The following FSD2 variants were observed in gnomAD, a reference collection of about 807,000 sequenced individuals.
The protein encoded by FSD2 is fibronectin type III and SPRY domain-containing protein 2.
Under a neutral mutation model 80.4 loss-of-function variants are expected in FSD2, and 71 were observed. The ratio of observed to expected loss-of-function variants is 0.88; its 90% CI spans 0.73 to 1.08. FSD2 has a LOEUF of 1.08. FSD2 is among the 50% of genes least tolerant of loss of function. The pLI is 0.00. For missense variants in FSD2, 923 were observed against 913.8 expected (o/e 1.01, Z -0.13); for synonymous variants, 361 against 329.5 (o/e 1.10, Z -1.03).
At chr15:82,767,068 C>A (rs1473831953) in intron 9 of FSD2, among the ~76,000 whole-genome samples, 5 of 152,148 alleles carry the variant, frequency 3.3e-5, no homozygotes, top group African/African-American at 2.4e-5. Flanking sequence ...CTTATGCATT[C>A]AATAAATGTT....
intron 6 of FSD2, among the ~76,000 whole-genome samples, chr15:82,776,977 T>C (rs1011711627): frequency 4.6e-5 from 7 of 152,186 alleles, no homozygotes; most frequent in Admixed American, 3.3e-4. Flanking sequence ...GGGGAAAGGA[T>C]AGTCTCTTCA....
chr15:82,762,300 A>G, intron 11 of FSD2, 22 bp from the exon 12 acceptor site: 1 of 1,609,612 alleles, frequency 6.2e-7, no homozygotes, highest in South Asian at 1.1e-5. Flanking sequence ...AAGTGGAAGC[A>G]TGTGTGATCT....
rs138000110 is a variant in FSD2, at chr15:82,773,143, C to T, written c.1112-915G>A. ...ATTACAGGTGTGAGCCACTTGTGCC[C>T]GGTCCTTTCCTCCATAATCCTTCTC... On this transcript the variant is annotated intron_variant, in intron 6 of 12. Coordinates refer to ENST00000334574, the MANE Select transcript of FSD2 (RefSeq NM_001007122.4). 2.1e-3 allele frequency among the ~76,000 whole-genome samples: 327 copies of T among 152,260 alleles called. 4 individuals are homozygous for T. The highest frequency in any genetic ancestry group is 0.014 in the Admixed American group (218 of 15,284).
chr15:82,765,434 A>G, intron 10 of FSD2, 136 bp from the exon 11 acceptor site: 1 of 1,109,070 alleles, frequency 9.0e-7, no homozygotes. Flanking sequence ...CCAGTTAACA[A>G]GGATGGCAAT....
chr15:82,790,186 A>G (rs1162046087), intron 1 of FSD2, among the ~76,000 whole-genome samples: 1 of 99,048 alleles, frequency 1.0e-5, no homozygotes, highest in Non-Finnish European at 2.3e-5. Flanking sequence ...AAACAACAAC[A>G]ACGACAACAA....
chr15:82,780,868 C>CCATACCACAGTACTG (rs2049839481), intron 4 of FSD2, among the ~76,000 whole-genome samples: 1 of 152,130 alleles, frequency 6.6e-6, no homozygotes, highest in African/African-American at 2.4e-5. Context: ...GCATTTTCTT[C>CCATACCACAGTACTG]CATACCACAG....
In FSD2 at chr15:82,758,463, T is replaced by A. The variant is rs1188227321; in HGVS notation, c.*885A>T. The A allele has an allele frequency of 6.5e-6, 1 of 153,126 alleles. No homozygotes were observed. Among genetic ancestry groups the A allele is most frequent in the Non-Finnish European group, 1.5e-5 (1 of 68,048 alleles). 9.5% of individuals were successfully genotyped at this position (153,126 alleles called of 1,614,324 possible). On this transcript the variant is annotated 3_prime_UTR_variant, in exon 13 of 13. Transcript: ENST00000334574. Reference sequence around the variant, plus strand: ...CCTTTGGTGGGCTGTTAATTTCTTTTAAAAAATTGTTGTGCATTTGCTAAT... The same window carrying A: ...CCTTTGGTGGGCTGTTAATTTCTTTAAAAAAATTGTTGTGCATTTGCTAAT...
chr15:82,778,896 A>G lies in FSD2; in HGVS notation c.990-9T>C, dbSNP rs2049785790. Reference sequence around the variant, plus strand: ...TCAGGAATTTCCCGAGTCTGTTGGTATAAAAAGACATGCTGACTAGAATGG... The same window carrying G: ...TCAGGAATTTCCCGAGTCTGTTGGTGTAAAAAGACATGCTGACTAGAATGG... On this transcript the variant is annotated splice_polypyrimidine_tract_variant and intron_variant, in intron 5 of 12. Transcript: ENST00000334574. 1 of 1,613,908 alleles carries G rather than the reference A, an allele frequency of 6.2e-7. No homozygotes were observed. The highest frequency in any genetic ancestry group is 8.5e-7 in the Non-Finnish European group (1 of 1,179,834).
chr15:82,769,017 G>T lies in FSD2; in HGVS notation c.1416C>A (p.Pro472=), dbSNP rs1312075121. 2 of 1,582,292 alleles carry T rather than the reference G, an allele frequency of 1.3e-6. No individual in the cohort carries two copies. The highest frequency in any genetic ancestry group is 1.2e-5 in the South Asian group (1 of 84,500). ...TCCTTATCTCTTTGGTTTTAATAATGGGGGGAGAAGGTGCTAAATGTGGGA... is the reference window on the plus strand; with the variant it reads ...TCCTTATCTCTTTGGTTTTAATAATTGGGGGAGAAGGTGCTAAATGTGGGA... The part of the protein sequence containing the change: ...RAVYMTAPSP[P]IIKTKEIRSC... Residue 472 remains proline, a synonymous_variant, in exon 9 of 13, where the codon CCC becomes CCA. Coordinates refer to ENST00000334574, the MANE Select transcript of FSD2 (RefSeq NM_001007122.4).
At chr15:82,796,998 T>C (rs2050287752) in intron 1 of FSD2, among the ~76,000 whole-genome samples, 1 of 144,524 alleles carries the variant, frequency 6.9e-6, no homozygotes, top group African/African-American at 2.6e-5. Context: ...CATTGCACTG[T>C]AAGATTTCAT....
intron 9 of FSD2, among the ~76,000 whole-genome samples, chr15:82,766,825 C>G (rs1390724976): frequency 6.6e-6 from 1 of 152,036 alleles, no homozygotes; most frequent in African/African-American, 2.4e-5. Context: ...TGTTAACCCC[C>G]TAACAGCTGC....
In FSD2 at chr15:82,798,873, G is replaced by GTTTT. The variant is rs149986626; in HGVS notation, c.-79+7089_-79+7092dup. On this transcript the variant is annotated intron_variant, in intron 1 of 12. Coordinates refer to ENST00000334574, the MANE Select transcript of FSD2 (RefSeq NM_001007122.4). ...AAGTTTTCTTTCCACTATCTCCACT[G>GTTTT]TTTTGTTTTTTTTTTTTTTTTTGAG... Among the ~76,000 whole-genome samples the GTTTT allele has an allele frequency of 8.7e-3, 964 of 111,332 alleles. 121 individuals carry two copies. The highest frequency in any genetic ancestry group is 0.015 in the East Asian group (56 of 3,790). 73.0% of individuals were successfully genotyped at this position (111,332 alleles called of 152,430 possible).
chr15:82,775,411 A>T (rs577318552), intron 6 of FSD2, among the ~76,000 whole-genome samples: 6 of 151,942 alleles, frequency 3.9e-5, no homozygotes, highest in Admixed American at 2.6e-4. Flanking sequence ...AAAAAAAAAA[A>T]TTCATATAAT....
chr15:82,789,919 G>A (rs1318836834), intron 1 of FSD2, among the ~76,000 whole-genome samples: 3 of 152,206 alleles, frequency 2.0e-5, no homozygotes, highest in East Asian at 3.8e-4. Context: ...CTGGGTGCCT[G>A]TAATCCCAGC....
At position 82,759,414 on chromosome 15, in the gene FSD2, C is replaced by T. The variant is rs772584765; in HGVS notation, c.2184G>A (p.Leu728=). ...LHEFVHPCFS[L]EKPGCLKVHN... is the part of the protein sequence containing the mutation. ...GTACCTTTAGACACCCAGGCTTTTC[C>T]AAAGAAAAACAGGGATGCACAAATT... The change falls in exon 13 of 13, where the codon TTG becomes TTA. Residue 728 remains leucine (L), a synonymous_variant. Transcript: ENST00000334574. 2.5e-6 allele frequency: 4 copies of T among 1,613,430 alleles called. No homozygotes were observed. The African/African-American group carries it at 5.3e-5, about 22-fold the overall frequency.
Position 82,787,351 on chromosome 15 carries a change from A to G in FSD2, c.40T>C (p.Ser14Pro), listed in dbSNP as rs947246507. Residue 14 changes from serine to proline, a missense_variant, in exon 2 of 13, where the codon TCT becomes CCT. Physicochemically the swap from Ser to Pro is moderately conservative, Grantham distance 74. Transcript: ENST00000334574. Reference protein sequence around the residue: ...ESGEELGLDRSTPKDFHFYHM... With the variant: ...ESGEELGLDRPTPKDFHFYHM... Reference sequence around the variant, plus strand: ...TAAAAGTGGAAATCCTTGGGAGTAGACCTGTCCAGCCCCAGTTCCTCCCCC... The same window carrying G: ...TAAAAGTGGAAATCCTTGGGAGTAGGCCTGTCCAGCCCCAGTTCCTCCCCC... 9.3e-6 allele frequency: 15 copies of G among 1,613,258 alleles called. No homozygotes were observed. Among genetic ancestry groups the G allele is most frequent in the African/African-American group, 1.3e-5 (1 of 74,860 alleles).
Position 82,765,902 on chromosome 15 carries a change from G to A in FSD2, c.1683C>T (p.Thr561=), listed in dbSNP as rs1481802435. The A allele has an allele frequency of 3.1e-6, 5 of 1,609,544 alleles. No homozygotes were observed. The South Asian group carries it at 3.3e-5, about 11-fold the overall frequency. ...SVRSEPATVH[T]IGSYFRLNKD... ...TTTGTGGGCTGGGGCACAGACCTATGGTGTGGACTGTAGCTGGCTCGCTCC... is the reference window on the plus strand; with the variant it reads ...TTTGTGGGCTGGGGCACAGACCTATAGTGTGGACTGTAGCTGGCTCGCTCC... Residue 561 remains threonine (T), a synonymous_variant, in exon 10 of 13, where the codon ACC becomes ACT. Coordinates refer to ENST00000334574, the MANE Select transcript of FSD2 (RefSeq NM_001007122.4).
chr15:82,771,234 T>C (rs1315928471), intron 7 of FSD2, among the ~76,000 whole-genome samples: 1 of 152,236 alleles, frequency 6.6e-6, no homozygotes, highest in Non-Finnish European at 1.5e-5. Flanking sequence ...TGTTCTGCCA[T>C]AACTCACTGT....
intron 3 of FSD2, among the ~76,000 whole-genome samples, chr15:82,783,414 G>C (rs2049919523): frequency 6.6e-6 from 1 of 152,136 alleles, no homozygotes; most frequent in Non-Finnish European, 1.5e-5. Context: ...AGAGTCATTA[G>C]AGAAATGAAA....
Sources: allele counts gnomAD v4.1 joint callset (sites outside exome capture counted in the v4.1 genomes callset), GRCh38; gene constraint gnomAD v4.1.1; transcripts MANE v1.5; gene names NCBI Gene and HGNC (gene_info 2026-07-23, HGNC 2026-07-21).